ZRANB1: variants seen among roughly 807,000 people sequenced by gnomAD.
ZRANB1 encodes the protein zinc finger RANBP2-type containing 1, also known as ubiquitin thioesterase ZRANB1.
ZRANB1 carries 16 observed loss-of-function variants against 80.5 expected under a neutral mutation model. That is an observed-to-expected ratio of 0.20 (90% CI 0.13 to 0.30). The LOEUF (loss-of-function observed/expected upper bound fraction) is 0.30, where lower values mean the gene tolerates loss of function less well. Ranked by LOEUF, ZRANB1 falls within the 10% of genes least tolerant of loss-of-function variation. ZRANB1 has a pLI of 1.00. For synonymous variants in ZRANB1, 291 were observed against 293.1 expected (o/e 0.99, Z 0.07); for missense variants, 576 against 862.6 (o/e 0.67, Z 4.16).
At chr10:124,961,147 G>A (rs188680901) in intron 1 of ZRANB1, among the ~76,000 whole-genome samples, 4 of 152,022 alleles carry the variant, frequency 2.6e-5, no homozygotes, top group Admixed American at 2.6e-4. Context: ...GATGACAGGC[G>A]CACGCCCCCA....
the ZRANB1 span, among the ~76,000 whole-genome samples, chr10:124,920,653 A>G: frequency 6.6e-5 from 10 of 151,724 alleles, no homozygotes; most frequent in African/African-American, 1.9e-4. Flanking sequence ...CATGGAGACA[A>G]TGTTCTGGGC....
intron 4 of ZRANB1, 63 bp downstream of exon 4, chr10:124,973,779 AGGCAT>A (rs1951848658): frequency 6.9e-7 from 1 of 1,445,778 alleles, no homozygotes; most frequent in Admixed American, 1.9e-5. Context: ...TTGTTTAGTA[AGGCAT>A]GGTGTAGTTT....
In ZRANB1 at chr10:124,984,893, C is replaced by G; in HGVS notation, c.2028C>G (p.Val676=). ...KSSRRRNHPL[V]TQMVEKWLDR... is the part of the protein sequence containing the mutation. ...CTCGGCGGCGAAATCACCCCCTGGTCACTCAGATGGTAGAAAAATGGCTTG... is the reference window on the plus strand; with the variant it reads ...CTCGGCGGCGAAATCACCCCCTGGTGACTCAGATGGTAGAAAAATGGCTTG... The change falls in exon 9 of 9, where the codon GTC becomes GTG. Residue 676 remains valine, a synonymous_variant. Transcript: ENST00000359653. 1 of 1,613,920 alleles carries G rather than the reference C, an allele frequency of 6.2e-7. No homozygotes were observed. Among genetic ancestry groups the G allele is most frequent in the Non-Finnish European group, 8.5e-7 (1 of 1,180,012 alleles).
At chr10:124,924,359 A>G in the ZRANB1 span, among the ~76,000 whole-genome samples, 4 of 151,840 alleles carry the variant, frequency 2.6e-5, no homozygotes, top group Non-Finnish European at 5.9e-5. Context: ...TCACCCCTTT[A>G]AAGTATACAA....
rs200740658 is a variant in ZRANB1 at position 124,974,306 on chromosome 10, T to A, written c.1335T>A (p.Leu445=). Residue 445 remains leucine, a synonymous_variant, in exon 5 of 9, where the codon CTT becomes CTA. Coordinates refer to ENST00000359653, the MANE Select transcript of ZRANB1 (RefSeq NM_017580.3). ...ACCGGACTGCAGGAGACTGCCTACTTGATTCAGTTCTACAAGCTACCTGGG... is the reference window on the plus strand; with the variant it reads ...ACCGGACTGCAGGAGACTGCCTACTAGATTCAGTTCTACAAGCTACCTGGG... ...LWNRTAGDCL[L]DSVLQATWGI... The A allele has an allele frequency of 1.9e-6, 3 of 1,614,238 alleles. No homozygotes were observed. The highest frequency in any genetic ancestry group is 1.7e-6 in the Non-Finnish European group (2 of 1,180,042).
At chr10:124,918,291 A>G in the ZRANB1 span, among the ~76,000 whole-genome samples, 8,381 of 152,222 alleles carry the variant, frequency 0.055, 748 homozygotes, top group African/African-American at 0.19. Context: ...CCCAGGTTCA[A>G]GCGATTCTCC....
chr10:124,940,530 G>C (rs779276777), upstream of ZRANB1: 6 of 1,289,030 alleles, frequency 4.7e-6, no homozygotes, highest in Admixed American at 2.3e-5. Flanking sequence ...AGGTTATAGC[G>C]TGGGAACTAA....
At position 124,984,432 on chromosome 10, in the gene ZRANB1, A is replaced by G. The variant is rs78004567; in HGVS notation, c.1909-342A>G. ...TAACTTGTATAATTTCAGCTTGTAC[A>G]TAATTGACTAAGTAAACTTACCTTG... is the stretch of plus-strand genomic sequence containing the variant. On this transcript the variant is annotated intron_variant, in intron 8 of 8. Coordinates refer to ENST00000359653, the MANE Select transcript of ZRANB1 (RefSeq NM_017580.3). 1,152 of 225,948 alleles carry G rather than the reference A, an allele frequency of 5.1e-3. 20 individuals are homozygous for G. Among genetic ancestry groups the G allele is most frequent in the African/African-American group, 0.024 (1,069 of 44,066 alleles). The allele number at this position is 225,948 out of a possible 1,614,324, so 14.0% of individuals were successfully genotyped here.
intron 1 of ZRANB1, among the ~76,000 whole-genome samples, chr10:124,951,800 T>C (rs888121860): frequency 1.3e-5 from 2 of 151,624 alleles, no homozygotes; most frequent in Admixed American, 6.6e-5. Context: ...CTACTGAAAA[T>C]ACAAAAATTA....
intron 2 of ZRANB1, among the ~76,000 whole-genome samples, chr10:124,967,012 C>T (rs1307013033): frequency 6.6e-6 from 1 of 152,104 alleles, no homozygotes. Context: ...TTCATACAAA[C>T]CTGGGATGTA....
intron 1 of ZRANB1, among the ~76,000 whole-genome samples, chr10:124,949,470 CACAT>C (rs370872959): frequency 1.9e-4 from 26 of 138,022 alleles, no homozygotes; most frequent in Admixed American, 2.7e-4. Context: ...TGTTTACACA[CACAT>C]ATATGTATAT....
At position 124,942,598 on chromosome 10, in the gene ZRANB1, A is replaced by G; in HGVS notation, c.105A>G (p.Thr35=). The part of the protein sequence containing the change: ...TMCRAQRPSG[T]IITEDPFKSG... Reference sequence around the variant, plus strand: ...GTCGTGCCCAAAGACCTAGTGGAACAATTATTACAGAAGATCCATTTAAAA... The same window carrying G: ...GTCGTGCCCAAAGACCTAGTGGAACGATTATTACAGAAGATCCATTTAAAA... Residue 35 remains threonine, a synonymous_variant, in exon 1 of 9, where the codon ACA becomes ACG. Coordinates refer to ENST00000359653, the MANE Select transcript of ZRANB1 (RefSeq NM_017580.3). The G allele has an allele frequency of 6.2e-7, 1 of 1,614,224 alleles. No individual in the cohort carries two copies. Among genetic ancestry groups the G allele is most frequent in the Non-Finnish European group, 8.5e-7 (1 of 1,180,040 alleles).
chr10:124,975,349 A>G (rs1951867418), intron 5 of ZRANB1, among the ~76,000 whole-genome samples: 1 of 152,204 alleles, frequency 6.6e-6, no homozygotes, highest in Admixed American at 6.5e-5. Flanking sequence ...TGTAGACATC[A>G]TGATGCTTTA....
intron 1 of ZRANB1, among the ~76,000 whole-genome samples, chr10:124,966,183 A>G (rs1005209648): frequency 6.6e-6 from 1 of 152,088 alleles, no homozygotes; most frequent in Non-Finnish European, 1.5e-5. Context: ...GGGCAGGAGG[A>G]GCTCAACACC....
chr10:124,953,858 CT>C (rs36019506), intron 1 of ZRANB1, among the ~76,000 whole-genome samples: 1 of 151,988 alleles, frequency 6.6e-6, no homozygotes, highest in Non-Finnish European at 1.5e-5. Context: ...GTTATGGCTA[CT>C]TTTTAAGTGC....
Position 124,972,078 on chromosome 10 carries a change from C to T in ZRANB1, c.1116C>T (p.Cys372=), listed in dbSNP as rs752970300. 3.7e-6 allele frequency: 6 copies of T among 1,613,898 alleles called. No homozygotes were observed. Among genetic ancestry groups the T allele is most frequent in the Non-Finnish European group, 5.1e-6 (6 of 1,179,868 alleles). Residue 372 remains cysteine (C), a synonymous_variant, in exon 3 of 9, where the codon TGC becomes TGT. Transcript: ENST00000359653. ...ATCAGAGAAAGGGGGATTTTGCTTG[C>T]TATTTTCTGACTGACCTTGTAACAT... The part of the protein sequence containing the change: ...SLHQRKGDFA[C]YFLTDLVTFT...
chr10:124,973,521 C>T (rs1156381584), intron 3 of ZRANB1, 124 bp from the exon 4 acceptor site: 13 of 786,948 alleles, frequency 1.7e-5, no homozygotes, highest in Non-Finnish European at 2.7e-5. Context: ...TATCTGATAA[C>T]CTTCAATGGA....
At chr10:124,948,767 G>A (rs1951605884) in intron 1 of ZRANB1, among the ~76,000 whole-genome samples, 1 of 152,000 alleles carries the variant, frequency 6.6e-6, no homozygotes, top group South Asian at 2.1e-4. Context: ...AGCTTCCTGA[G>A]GGCCAGTAAT....
intron 5 of ZRANB1, among the ~76,000 whole-genome samples, chr10:124,977,055 C>CT (rs1951882148): frequency 6.6e-6 from 1 of 152,100 alleles, no homozygotes; most frequent in African/African-American, 2.4e-5. Context: ...GCATCCTTCA[C>CT]TTTCTTGGGC....
Sources: gnomAD v4.1 joint callset for allele counts (sites outside exome capture counted in the v4.1 genomes callset) on GRCh38, gnomAD v4.1.1 for gene constraint, MANE v1.5 for transcripts, NCBI Gene and HGNC (gene_info 2026-07-23, HGNC 2026-07-21) for gene names.